The following ADARB2 variants were observed in gnomAD, a reference collection of about 807,000 sequenced individuals.
ADARB2 encodes the protein adenosine deaminase RNA specific B2 (inactive).
Under a neutral mutation model 62.2 loss-of-function variants are expected in ADARB2, and 25 were observed. The observed-to-expected ratio is 0.40, with a 90% CI of 0.29 to 0.56. ADARB2 has a LOEUF of 0.56. ADARB2 is among the 20% of genes least tolerant of loss of function. The pLI is 0.43. For missense variants in ADARB2, 1,071 were observed against 1,077.4 expected (o/e 0.99, Z 0.08); for synonymous variants, 572 against 500.8 (o/e 1.14, Z -1.90).
chr10:1,677,166 G>A (rs1229369517), intron 1 of ADARB2, among the ~76,000 whole-genome samples: 1 of 152,200 alleles, frequency 6.6e-6, no homozygotes, highest in Non-Finnish European at 1.5e-5. Flanking sequence ...TGCACATGAA[G>A]GTTCAGACCA....
intron 1 of ADARB2, chr10:1,394,909 C>CCTT (rs1394452136): frequency 4.4e-5 from 20 of 456,548 alleles, no homozygotes; most frequent in Non-Finnish European, 4.8e-5. Flanking sequence ...CCCTCCTCCT[C>CCTT]CTTCTTCTTC....
chr10:1,526,922 C>A (rs763997399), intron 1 of ADARB2: 5 of 403,196 alleles, frequency 1.2e-5, no homozygotes, highest in Non-Finnish European at 2.7e-5. Context: ...ATAGAAACAT[C>A]CCCTGCATCT....
chr10:1,619,731 T>C (rs931450587), intron 1 of ADARB2, among the ~76,000 whole-genome samples: 1 of 152,192 alleles, frequency 6.6e-6, no homozygotes, highest in African/African-American at 2.4e-5. Context: ...ATTACAGGCA[T>C]GAGCCACCAT....
chr10:1,562,886 T>C (rs547143882), intron 1 of ADARB2, among the ~76,000 whole-genome samples: 2 of 152,248 alleles, frequency 1.3e-5, no homozygotes, highest in Non-Finnish European at 1.5e-5. Flanking sequence ...TCAAGAAATA[T>C]GATTGAAGTT....
chr10:1,217,887 T>C (rs145358842), intron 6 of ADARB2, among the ~76,000 whole-genome samples: 2,487 of 152,256 alleles, frequency 0.016, 44 homozygotes, highest in Non-Finnish European at 0.027. Context: ...GAGCGTCTGG[T>C]GGGTCTCTGT....
At chr10:1,597,320 A>G (rs1833348925) in intron 1 of ADARB2, among the ~76,000 whole-genome samples, 1 of 152,214 alleles carries the variant, frequency 6.6e-6, no homozygotes, top group South Asian at 2.1e-4. Flanking sequence ...TTCCCAATTG[A>G]CAGAGTAAAC....
chr10:1,481,682 C>T (rs1179971183), intron 1 of ADARB2, among the ~76,000 whole-genome samples: 4 of 151,828 alleles, frequency 2.6e-5, no homozygotes, highest in Non-Finnish European at 5.9e-5. Context: ...CATGGTGAAA[C>T]CCCATCTCTA....
intron 1 of ADARB2, among the ~76,000 whole-genome samples, chr10:1,395,673 ACGCAGACCATCCCGGCGT>A (rs1365918001): frequency 2.6e-5 from 4 of 152,232 alleles, no homozygotes; most frequent in South Asian, 2.1e-4. Flanking sequence ...CATCCCTGCG[ACGCAGACCATCCCGGCGT>A]CGCAGACCAT....
intron 1 of ADARB2, among the ~76,000 whole-genome samples, chr10:1,416,797 TG>T (rs1832806110): frequency 6.6e-6 from 1 of 152,238 alleles, no homozygotes; most frequent in Non-Finnish European, 1.5e-5. Context: ...GTAAGTCACG[TG>T]GTGAAACCCC....
At chr10:1,417,375 C>T (rs538407980) in intron 1 of ADARB2, among the ~76,000 whole-genome samples, 2 of 151,956 alleles carry the variant, frequency 1.3e-5, no homozygotes, top group African/African-American at 4.8e-5. Flanking sequence ...GGGTAGATGA[C>T]CAGGGAGTGC....
At chr10:1,643,361 C>T (rs1363866939) in intron 1 of ADARB2, among the ~76,000 whole-genome samples, 2 of 152,174 alleles carry the variant, frequency 1.3e-5, no homozygotes, top group African/African-American at 4.8e-5. Flanking sequence ...ACTCATTTTT[C>T]CCCGCACTCA....
chr10:1,439,941 G>A (rs1830884103), intron 1 of ADARB2, among the ~76,000 whole-genome samples: 1 of 148,950 alleles, frequency 6.7e-6, no homozygotes, highest in Non-Finnish European at 1.5e-5. Context: ...TCACTATGGG[G>A]CTCCTGAGTC....
chr10:1,671,370 A>T (rs1834382940), intron 1 of ADARB2, among the ~76,000 whole-genome samples: 1 of 152,214 alleles, frequency 6.6e-6, no homozygotes, highest in African/African-American at 2.4e-5. Context: ...CTTTTTGTTT[A>T]CAAAACTGAT....
At chr10:1,268,669 G>A (rs1238074723) in intron 4 of ADARB2, among the ~76,000 whole-genome samples, 1 of 152,116 alleles carries the variant, frequency 6.6e-6, no homozygotes, top group Non-Finnish European at 1.5e-5. Flanking sequence ...AAAAATGTTT[G>A]TATTAGTAAT....
rs73589080 is a variant in ADARB2, at chr10:1,664,882, C to T, written c.100+72169G>A. On this transcript the variant is annotated intron_variant, in intron 1 of 9. Coordinates refer to ENST00000381312, the MANE Select transcript of ADARB2 (RefSeq NM_018702.4). ...AGTTCTTCTGTGCCCCACTGAGTTG[C>T]GTGGGCTTAATTGCTTAGAATGAGA... 1.5e-3 allele frequency among the ~76,000 whole-genome samples: 234 copies of T among 152,220 alleles called. 1 individual carries two copies. Among genetic ancestry groups the T allele is most frequent in the African/African-American group, 4.6e-3 (189 of 41,526 alleles).
intron 3 of ADARB2, among the ~76,000 whole-genome samples, chr10:1,323,012 G>T (rs965587657): frequency 6.6e-6 from 1 of 152,010 alleles, no homozygotes; most frequent in Non-Finnish European, 1.5e-5. Context: ...ATTAGAATCA[G>T]GAAAACAGTA....
chr10:1,271,715 C>G (rs577738786), intron 3 of ADARB2, among the ~76,000 whole-genome samples: 1 of 152,338 alleles, frequency 6.6e-6, no homozygotes, highest in East Asian at 1.9e-4. Flanking sequence ...AAGGTGACTC[C>G]TGGTCTCTGG....
intron 1 of ADARB2, chr10:1,676,113 G>C: frequency 3.1e-6 from 3 of 970,886 alleles, no homozygotes; most frequent in Non-Finnish European, 3.7e-6. Flanking sequence ...GGCATATTAG[G>C]ACAAAATTGC....
chr10:1,699,605 C>G (rs1167456044), intron 1 of ADARB2, among the ~76,000 whole-genome samples: 572 of 135,684 alleles, frequency 4.2e-3, no homozygotes, highest in Non-Finnish European at 5.5e-3. Context: ...ACCGGGAGAC[C>G]AGGCGCTCGC....
Sources: allele counts gnomAD v4.1 joint callset (sites outside exome capture counted in the v4.1 genomes callset), GRCh38; gene constraint gnomAD v4.1.1; transcripts MANE v1.5; gene names NCBI Gene and HGNC (gene_info 2026-07-23, HGNC 2026-07-21).